UBA2: variants seen among roughly 807,000 people sequenced by gnomAD.
The protein encoded by UBA2 is ubiquitin like modifier activating enzyme 2.
A neutral mutation model predicts 77.2 loss-of-function variants in UBA2; 11 were observed. The ratio of observed to expected loss-of-function variants is 0.14; its 90% CI spans 0.09 to 0.24. The LOEUF (loss-of-function observed/expected upper bound fraction) is 0.24. Ranked by LOEUF, UBA2 falls within the 10% of genes least tolerant of loss-of-function variation. UBA2 has a pLI of 1.00. For missense variants in UBA2, 487 were observed against 781.7 expected, an observed-to-expected ratio of 0.62 and a Z score of 4.50; for synonymous variants, 278 against 276.7, an observed-to-expected ratio of 1.00 and a Z score of -0.05.
intron 6 of UBA2, among the ~76,000 whole-genome samples, chr19:34,441,173 A>G (rs950478407): frequency 9.9e-5 from 15 of 152,048 alleles, no homozygotes; most frequent in African/African-American, 3.4e-4. Flanking sequence ...AAAACTTACT[A>G]GGCCGGGCGA....
chr19:34,443,028 A>C lies in UBA2; in HGVS notation c.582-816A>C, dbSNP rs556228366. ...AAACAGTTTTTAGGATAACTTTATT[A>C]ATAAAAGAGAATCTCAGCTTAATAC... is the stretch of plus-strand genomic sequence containing the variant. On this transcript the variant is annotated intron_variant, in intron 6 of 16. Coordinates refer to ENST00000246548, the MANE Select transcript of UBA2 (RefSeq NM_005499.3). Among the ~76,000 whole-genome samples, 13 of 152,310 alleles carry C rather than the reference A, an allele frequency of 8.5e-5. No individual in the cohort carries two copies. In the East Asian group the frequency reaches 2.3e-3, roughly 27 times the overall value.
chr19:34,457,179 A>AAATATATATATAT (rs1262007864), intron 12 of UBA2, among the ~76,000 whole-genome samples: 10 of 53,218 alleles, frequency 1.9e-4, no homozygotes, highest in East Asian at 1.3e-3. Flanking sequence ...AAAAAAAAAA[A>AAATATATATATAT]ATATATATAT....
chr19:34,436,380 A>G (rs1599892176), intron 5 of UBA2, among the ~76,000 whole-genome samples: 3 of 151,854 alleles, frequency 2.0e-5, no homozygotes, highest in East Asian at 2.0e-4. Context: ...GCTCGCCGCA[A>G]CCTCCGTCTC....
chr19:34,456,680 C>G (rs1053592330), intron 12 of UBA2, among the ~76,000 whole-genome samples: 29 of 151,906 alleles, frequency 1.9e-4, no homozygotes, highest in Admixed American at 1.5e-3. Flanking sequence ...GCCTCAGCCT[C>G]CCCAGTAGCT....
At chr19:34,431,056 C>G (rs2075247707) in intron 2 of UBA2, among the ~76,000 whole-genome samples, 2 of 152,072 alleles carry the variant, frequency 1.3e-5, no homozygotes, top group South Asian at 2.1e-4. Flanking sequence ...CTTGGTGATT[C>G]AGAGTCTTAA....
At position 34,454,358 on chromosome 19, in the gene UBA2, G is replaced by GTTATTTGTAC; in HGVS notation, c.1132+7_1132+16dup. The GTTATTTGTAC allele has an allele frequency of 6.2e-7, 1 of 1,607,196 alleles. No homozygotes were observed. The highest frequency in any genetic ancestry group is 8.5e-7 in the Non-Finnish European group (1 of 1,176,570). ...AGAGTAGATTTGATATCAAATGTAAGTTATTTGTACTAAAGTTGTATCACT... is the reference window on the plus strand; with the variant it reads ...AGAGTAGATTTGATATCAAATGTAAGTTATTTGTACTTATTTGTACTAAAGTTGTATCACT... On this transcript the variant is annotated splice_donor_region_variant and intron_variant, in intron 11 of 16. Coordinates refer to ENST00000246548, the MANE Select transcript of UBA2 (RefSeq NM_005499.3).
intron 6 of UBA2, among the ~76,000 whole-genome samples, chr19:34,439,700 C>T (rs942597407): frequency 1.3e-5 from 2 of 151,838 alleles, no homozygotes; most frequent in South Asian, 2.1e-4. Flanking sequence ...TGTACCTGTA[C>T]TCCCAGCTAC....
At chr19:34,430,796 A>G in intron 2 of UBA2, 137 bp downstream of exon 2, 1 of 643,006 alleles carries the variant, frequency 1.6e-6, no homozygotes, top group Non-Finnish European at 2.7e-6. Context: ...AAGGATAAAG[A>G]TATATCAAGT....
chr19:34,454,731 AAAAAGG>A (rs2075539505), intron 12 of UBA2, among the ~76,000 whole-genome samples, 175 bp downstream of exon 12: 1 of 152,256 alleles, frequency 6.6e-6, no homozygotes, highest in African/African-American at 2.4e-5. Flanking sequence ...AAATTGCAAC[AAAAAGG>A]AAAAATTAAG....
At chr19:34,464,293 ACAGAAAAATTTGAGGATT>A (rs2075664115) in intron 15 of UBA2, among the ~76,000 whole-genome samples, 162 bp downstream of exon 15, 2 of 152,196 alleles carry the variant, frequency 1.3e-5, no homozygotes, top group African/African-American at 4.8e-5. Flanking sequence ...TGTTTGACCT[ACAGAAAAATTTGAGGATT>A]CAGAAATTGG....
At chr19:34,455,670 G>A (rs1271350415) in intron 12 of UBA2, among the ~76,000 whole-genome samples, 1 of 152,128 alleles carries the variant, frequency 6.6e-6, no homozygotes, top group Non-Finnish European at 1.5e-5. Flanking sequence ...TTGAGACGGA[G>A]TCTAGCTCTG....
At chr19:34,460,204 G>T (rs571603982) in intron 13 of UBA2, among the ~76,000 whole-genome samples, 1 of 152,272 alleles carries the variant, frequency 6.6e-6, no homozygotes, top group Admixed American at 6.5e-5. Flanking sequence ...TGCAGGGAAA[G>T]ACAAAGTAGC....
intron 7 of UBA2, 60 bp downstream of exon 7, chr19:34,443,971 A>C (rs2075397786): frequency 3.2e-6 from 4 of 1,241,030 alleles, no homozygotes; most frequent in Non-Finnish European, 2.3e-6. Context: ...TTGTTGATTT[A>C]ATTTTGGTAG....
chr19:34,447,060 G>A (rs114996835), intron 8 of UBA2, among the ~76,000 whole-genome samples: 6,101 of 152,054 alleles, frequency 0.04, 181 homozygotes, highest in Admixed American at 0.11. Context: ...CGATCACAAG[G>A]CCCAACAATA....
intron 14 of UBA2, among the ~76,000 whole-genome samples, chr19:34,462,608 A>G (rs776932517): frequency 6.6e-6 from 1 of 152,022 alleles, no homozygotes; most frequent in Non-Finnish European, 1.5e-5. Context: ...CGTTTTCCTT[A>G]TAAATAATGA....
In UBA2 at chr19:34,464,790, G is replaced by A. The variant is rs1317415916; in HGVS notation, c.1604+659G>A. On this transcript the variant is annotated intron_variant, in intron 15 of 16. Coordinates refer to ENST00000246548, the MANE Select transcript of UBA2 (RefSeq NM_005499.3). The stretch of plus-strand genomic sequence containing the variant: ...AACAAATCATTTCGTTTGTGATTTT[G>A]TGGCAATAACAAAAGAATATTGGGA... Among the ~76,000 whole-genome samples the A allele has an allele frequency of 2.6e-5, 4 of 152,144 alleles. No homozygotes were observed. In the East Asian group the frequency reaches 7.7e-4, roughly 29 times the overall value.
chr19:34,452,768 A>C (rs536452692), intron 10 of UBA2, among the ~76,000 whole-genome samples: 9 of 152,186 alleles, frequency 5.9e-5, no homozygotes, highest in Non-Finnish European at 1.0e-4. Flanking sequence ...AAGATTAGTC[A>C]TGGGTCTTAA....
chr19:34,457,725 T>C (rs1488633927), intron 12 of UBA2, among the ~76,000 whole-genome samples: 2 of 152,194 alleles, frequency 1.3e-5, no homozygotes, highest in Non-Finnish European at 2.9e-5. Flanking sequence ...GACTCAACAC[T>C]ACATTGTAGT....
chr19:34,433,321 G>A (rs200425158), intron 3 of UBA2, 27 bp from the exon 4 acceptor site: 5 of 1,564,892 alleles, frequency 3.2e-6, no homozygotes, highest in Admixed American at 3.4e-5. Context: ...AGTTATTTTG[G>A]TGACCTTTTT....
Sources: allele counts gnomAD v4.1 joint callset (sites outside exome capture counted in the v4.1 genomes callset), GRCh38; gene constraint gnomAD v4.1.1; transcripts MANE v1.5; gene names NCBI Gene and HGNC (gene_info 2026-07-23, HGNC 2026-07-21).